The following PCDHGA9 variants were observed in gnomAD, a reference collection of about 807,000 sequenced individuals.
PCDHGA9 encodes the protein protocadherin gamma subfamily A, 9.
A neutral mutation model predicts 62.5 loss-of-function variants in PCDHGA9; 37 were observed. The ratio of observed to expected loss-of-function variants is 0.59; its 90% CI spans 0.46 to 0.78. PCDHGA9 has a LOEUF of 0.78. Among genes scored for constraint, PCDHGA9 ranks in the 30% least tolerant of loss-of-function variants. PCDHGA9 has a pLI of 0.00. For missense variants in PCDHGA9, 1,138 were observed against 1,166.2 expected, an observed-to-expected ratio of 0.98 and a Z score of 0.35; for synonymous variants, 459 against 484.6, an observed-to-expected ratio of 0.95 and a Z score of 0.69.
At chr5:141,469,362 G>C (rs915161729) in intron 1 of PCDHGA9, among the ~76,000 whole-genome samples, 14 of 152,084 alleles carry the variant, frequency 9.2e-5, no homozygotes, top group Non-Finnish European at 7.4e-5. Flanking sequence ...GGATCATGAG[G>C]TAAAGAGATC....
At chr5:141,496,400 A>G (rs540108338) in intron 2 of PCDHGA9, among the ~76,000 whole-genome samples, 2 of 152,240 alleles carry the variant, frequency 1.3e-5, no homozygotes, top group East Asian at 3.9e-4. Flanking sequence ...TACCTCCTCA[A>G]TGGTTGAGTA....
At position 141,419,393 on chromosome 5, in the gene PCDHGA9, G is replaced by C; in HGVS notation, c.2424+14017G>C. On this transcript the variant is annotated intron_variant, in intron 1 of 3. Transcript: ENST00000573521. ...CTACGTGTCCGTGAGCGCGCAGAGC[G>C]GGGTGGTGTTCGCGCAGCGCGCCTT... 1.2e-6 allele frequency: 2 copies of C among 1,613,620 alleles called. No homozygotes were observed. The highest frequency in any genetic ancestry group is 1.7e-6 in the Non-Finnish European group (2 of 1,179,912).
At position 141,407,205 on chromosome 5, in the gene PCDHGA9, C is replaced by T. The variant is rs146299905; in HGVS notation, c.2424+1829C>T. 1.4e-3 allele frequency among the ~76,000 whole-genome samples: 213 copies of T among 152,308 alleles called. 1 individual carries two copies. Among genetic ancestry groups the T allele is most frequent in the African/African-American group, 4.8e-3 (199 of 41,572 alleles). On this transcript the variant is annotated intron_variant, in intron 1 of 3. Coordinates refer to ENST00000573521, the MANE Select transcript of PCDHGA9 (RefSeq NM_018921.3). ...ATTTTAATTATTTCAAACACGTTTTCCCCCTTAAGTGGGTAGCAAAAAAAA... is the reference window on the plus strand; with the variant it reads ...ATTTTAATTATTTCAAACACGTTTTTCCCCTTAAGTGGGTAGCAAAAAAAA...
intron 1 of PCDHGA9, among the ~76,000 whole-genome samples, chr5:141,481,171 C>G (rs927813327): frequency 6.6e-6 from 1 of 152,120 alleles, no homozygotes; most frequent in African/African-American, 2.4e-5. Flanking sequence ...AACCAGAATC[C>G]AGCTTTATTG....
Position 141,487,631 on chromosome 5 carries a change from G to T in PCDHGA9, c.2425-7176G>T. Reference sequence around the variant, plus strand: ...TGGGCTAGAGGTGAGACCTTTGCAGGCTCAACAAATGCTTGAGGGTTATTC... The same window carrying T: ...TGGGCTAGAGGTGAGACCTTTGCAGTCTCAACAAATGCTTGAGGGTTATTC... On this transcript the variant is annotated intron_variant, in intron 1 of 3. Transcript: ENST00000573521. The surrounding 1 kb of genome is among the most constrained non-coding windows in gnomAD (Gnocchi z 5.0). The T allele has an allele frequency of 6.2e-7, 1 of 1,614,176 alleles. No individual in the cohort carries two copies. Among genetic ancestry groups the T allele is most frequent in the Non-Finnish European group, 8.5e-7 (1 of 1,180,032 alleles).
chr5:141,409,412 C>A, intron 1 of PCDHGA9: 1 of 1,614,032 alleles, frequency 6.2e-7, no homozygotes, highest in Non-Finnish European at 8.5e-7. Flanking sequence ...CTACTACAAA[C>A]TGGTGACAGA....
chr5:141,502,468 C>A (rs1007796183), intron 2 of PCDHGA9, among the ~76,000 whole-genome samples: 6 of 151,190 alleles, frequency 4.0e-5, no homozygotes, highest in Non-Finnish European at 8.8e-5. Flanking sequence ...GGAATACTTC[C>A]CGCAGCATCA....
At chr5:141,478,306 G>A (rs1316502939) in intron 1 of PCDHGA9, 2 of 1,614,056 alleles carry the variant, frequency 1.2e-6, no homozygotes, top group South Asian at 2.2e-5. Flanking sequence ...ACCGAGCCCC[G>A]GTGAGCTCAC....
At chr5:141,433,837 C>CAAAA (rs56191208) in intron 1 of PCDHGA9, among the ~76,000 whole-genome samples, 6 of 111,700 alleles carry the variant, frequency 5.4e-5, no homozygotes, top group African/African-American at 1.9e-4. Flanking sequence ...AACTCTATCT[C>CAAAA]AAAAAAAAAA....
At position 141,415,772 on chromosome 5, in the gene PCDHGA9, T is replaced by A. The variant is rs540545854; in HGVS notation, c.2424+10396T>A. On this transcript the variant is annotated intron_variant, in intron 1 of 3. Coordinates refer to ENST00000573521, the MANE Select transcript of PCDHGA9 (RefSeq NM_018921.3). ...TTTTTTTTTTTTTTTTTTTTTTTTT[T>A]ACTTTCTGGTAAAATTCACCTAGTC... is the stretch of plus-strand genomic sequence containing the variant. 5,409 of 1,336,512 alleles carry A rather than the reference T, an allele frequency of 4.0e-3. 27 individuals carry two copies. The highest frequency in any genetic ancestry group is 7.3e-3 in the Admixed American group (200 of 27,462). 82.8% of individuals were successfully genotyped at this position (1,336,512 alleles called of 1,614,324 possible).
chr5:141,415,134 C>T (rs760482028), intron 1 of PCDHGA9: 10 of 1,613,552 alleles, frequency 6.2e-6, no homozygotes, highest in South Asian at 3.3e-5. Context: ...TCCAGGACCA[C>T]GGCCAGCCCC....
Position 141,486,200 on chromosome 5 carries a change from G to A in PCDHGA9, c.2425-8607G>A, listed in dbSNP as rs764874531. The stretch of plus-strand genomic sequence containing the variant: ...CAGCCTTCGAGTGGATCTGCTGGAC[G>A]TAAATGACAATGCCCCTTACATCAC... On this transcript the variant is annotated intron_variant, in intron 1 of 3. Transcript: ENST00000573521. The surrounding 1 kb of genome is among the most constrained non-coding windows in gnomAD (Gnocchi z 5.0). The A allele has an allele frequency of 2.0e-5, 32 of 1,614,096 alleles. No homozygotes were observed. Among genetic ancestry groups the A allele is most frequent in the Non-Finnish European group, 2.3e-5 (27 of 1,180,040 alleles).
At chr5:141,410,849 C>CTTTTTTGTTTTTTTTTTTTTTT (rs2095433183) in intron 1 of PCDHGA9, 1 of 129,786 alleles carries the variant, frequency 7.7e-6, no homozygotes, top group African/African-American at 6.0e-5. Flanking sequence ...TTGTCTTTGT[C>CTTTTTTGTTTTTTTTTTTTTTT]TTTTTTTTTT....
intron 1 of PCDHGA9, among the ~76,000 whole-genome samples, chr5:141,445,180 GT>G (rs745433969): frequency 6.6e-6 from 1 of 152,148 alleles, no homozygotes; most frequent in Non-Finnish European, 1.5e-5. Flanking sequence ...GAAAAACTAT[GT>G]TTTTATGTAT....
At position 141,490,076 on chromosome 5, in the gene PCDHGA9, A is replaced by G. The variant is rs1025569516; in HGVS notation, c.2425-4731A>G. 2.5e-6 allele frequency: 4 copies of G among 1,614,240 alleles called. No homozygotes were observed. The highest frequency in any genetic ancestry group is 1.3e-5 in the African/African-American group (1 of 75,070). Reference sequence around the variant, plus strand: ...GAGGGCACCAACGGCCAACTAGACTATTCTTTTGGAGACCACACATCTGAG... The same window carrying G: ...GAGGGCACCAACGGCCAACTAGACTGTTCTTTTGGAGACCACACATCTGAG... On this transcript the variant is annotated intron_variant, in intron 1 of 3. Coordinates refer to ENST00000573521, the MANE Select transcript of PCDHGA9 (RefSeq NM_018921.3). The surrounding 1 kb of genome is among the most constrained non-coding windows in gnomAD (Gnocchi z 5.4).
intron 1 of PCDHGA9, chr5:141,413,140 A>G: frequency 1.3e-6 from 2 of 1,563,150 alleles, no homozygotes; most frequent in Non-Finnish European, 1.7e-6. Context: ...CAACGTGTCC[A>G]GTGAGGACTT....
intron 1 of PCDHGA9, chr5:141,418,622 G>C: frequency 6.2e-7 from 1 of 1,614,026 alleles, no homozygotes; most frequent in Non-Finnish European, 8.5e-7. Context: ...TCGGGAAGAC[G>C]TGCCTCCAGG....
At chr5:141,501,606 G>A (rs2099810134) in intron 2 of PCDHGA9, among the ~76,000 whole-genome samples, 1 of 152,012 alleles carries the variant, frequency 6.6e-6, no homozygotes, top group African/African-American at 2.4e-5. Flanking sequence ...AGTTCCAGCT[G>A]TGTGACTCTG....
Position 141,431,142 on chromosome 5 carries a change from A to G in PCDHGA9, c.2424+25766A>G. ...GAAGTAGAAGTAAGGGACATTAACG[A>G]CAATGCGCCTTACTTTCGTGAAAGT... On this transcript the variant is annotated intron_variant, in intron 1 of 3. Coordinates refer to ENST00000573521, the MANE Select transcript of PCDHGA9 (RefSeq NM_018921.3). This position sits in a 1 kb window ranked among gnomAD's most constrained non-coding sequence, Gnocchi z 4.8. 1 of 1,614,240 alleles carries G rather than the reference A, an allele frequency of 6.2e-7. No individual in the cohort carries two copies. Among genetic ancestry groups the G allele is most frequent in the Non-Finnish European group, 8.5e-7 (1 of 1,180,024 alleles).
Sources: allele counts gnomAD v4.1 joint callset (sites outside exome capture counted in the v4.1 genomes callset), GRCh38; gene constraint gnomAD v4.1.1; non-coding constraint Gnocchi (gnomAD v3.1); transcripts MANE v1.5; gene names NCBI Gene and HGNC (gene_info 2026-07-23, HGNC 2026-07-21).